STARD9: variants seen among roughly 807,000 people sequenced by gnomAD.
STARD9 encodes StAR related lipid transfer domain containing 9, also known as stAR-related lipid transfer protein 9.
STARD9 carries 346 observed loss-of-function variants against 399.8 expected under a neutral mutation model. That is an observed-to-expected ratio of 0.87 (90% CI 0.79 to 0.95). The LOEUF (loss-of-function observed/expected upper bound fraction) is 0.95, where lower values mean the gene tolerates loss of function less well. STARD9 is among the 40% of genes least tolerant of loss of function. The pLI is 0.00. For missense variants in STARD9, 5,832 were observed against 5,667.5 expected, an observed-to-expected ratio of 1.03 and a Z score of -0.93; for synonymous variants, 2,203 against 2,143.5, an observed-to-expected ratio of 1.03 and a Z score of -0.77.
At chr15:42,634,803 C>G in intron 3 of STARD9, 53 bp from the exon 4 acceptor site, 2 of 783,626 alleles carry the variant, frequency 2.6e-6, no homozygotes, top group Non-Finnish European at 3.9e-6. Flanking sequence ...AATTCTAAAT[C>G]TGCTATGAGA....
Position 42,692,593 on chromosome 15 carries a change from C to G in STARD9, c.11015C>G (p.Ala3672Gly). ...AGTGCAGTATCAGCCTTTGATCTGG[C>G]CTCATGGACCAGCATGCACAATCTG... is the stretch of plus-strand genomic sequence containing the variant. ...EASAVSAFDLASWTSMHNLSL... is the reference protein window; with the variant it reads ...EASAVSAFDLGSWTSMHNLSL... Residue 3672 changes from alanine (A) to glycine (G), a missense_variant, in exon 23 of 33, where the codon GCC (alanine) becomes GGC (glycine). By Grantham distance (60) the Ala-to-Gly change is moderately conservative. Around this residue, in one of 2 missense-constraint regions of STARD9, gnomAD observed 5,828 missense variants for 5,651.1 expected, o/e 1.03. Transcript: ENST00000290607. 6.5e-7 allele frequency: 1 copy of G among 1,537,210 alleles called. No individual in the cohort carries two copies. The highest frequency in any genetic ancestry group is 1.2e-5 in the South Asian group (1 of 84,060).
At chr15:42,682,711 C>G in intron 22 of STARD9, 136 bp downstream of exon 22, 2 of 741,060 alleles carry the variant, frequency 2.7e-6, no homozygotes, top group East Asian at 2.7e-5. Context: ...CTCTCTTCCT[C>G]ATGACTTTTT....
Position 42,691,515 on chromosome 15 carries a change from T to C in STARD9, c.9937T>C (p.Ser3313Pro), listed in dbSNP as rs1566946203. ...CTCACTTCCTGTGACTACAATCTTC[T>C]CTGGCCCCAAACACTCCAGGTCCTC... is the stretch of plus-strand genomic sequence containing the variant. ...RGSLPVTTIF[S>P]GPKHSRSSPT... The change falls in exon 23 of 33, where the codon TCT becomes CCT. Residue 3313 changes from serine (S) to proline (P), a missense_variant. This residue lies in a region of STARD9 where 5,828 missense variants were observed against 5,651.1 expected (regional missense o/e 1.03). Coordinates refer to ENST00000290607, the MANE Select transcript of STARD9 (RefSeq NM_020759.3). 4.6e-6 allele frequency: 7 copies of C among 1,537,234 alleles called. No individual in the cohort carries two copies. Among genetic ancestry groups the C allele is most frequent in the Non-Finnish European group, 3.5e-6 (4 of 1,146,916 alleles).
rs1002687004 is a variant in STARD9 at position 42,686,829 on chromosome 15, A to C, written c.5251A>C (p.Lys1751Gln). The change falls in exon 23 of 33, where the codon AAA (lysine) becomes CAA (glutamine). Residue 1751 changes from lysine to glutamine, a missense_variant. By Grantham distance (53) the Lys-to-Gln change is moderately conservative. Coordinates refer to ENST00000290607, the MANE Select transcript of STARD9 (RefSeq NM_020759.3). ...ACTCTTGGAAACATTCTATGTGACC[A>C]AAAGCAGGGATGCCCTGACAGAAAC... ...PPLLETFYVTKSRDALTETAL... is the reference protein window; with the variant it reads ...PPLLETFYVTQSRDALTETAL... The C allele has an allele frequency of 4.5e-5, 69 of 1,537,052 alleles. No individual in the cohort carries two copies. The highest frequency in any genetic ancestry group is 1.7e-4 in the Middle Eastern group (1 of 6,012).
intron 3 of STARD9, among the ~76,000 whole-genome samples, chr15:42,590,638 T>C (rs2058374667): frequency 6.6e-6 from 1 of 152,114 alleles, no homozygotes; most frequent in Non-Finnish European, 1.5e-5. Context: ...AGAAAAGAGG[T>C]TTATTTGGCT....
In STARD9 at chr15:42,691,306, A is replaced by G. The variant is rs2060691674; in HGVS notation, c.9728A>G (p.Gln3243Arg). 1 of 1,537,122 alleles carries G rather than the reference A, an allele frequency of 6.5e-7. No individual in the cohort carries two copies. Among genetic ancestry groups the G allele is most frequent in the East Asian group, 2.4e-5 (1 of 40,932 alleles). Residue 3243 changes from glutamine (Q) to arginine (R), a missense_variant, in exon 23 of 33, where the codon CAG becomes CGG. Physicochemically the swap from Gln to Arg is conservative, Grantham distance 43. Coordinates refer to ENST00000290607, the MANE Select transcript of STARD9 (RefSeq NM_020759.3). Reference protein sequence around the residue: ...LPDEDGLDGCQILDAGREEVA... With the variant: ...LPDEDGLDGCRILDAGREEVA... ...GATGAAGATGGCTTAGATGGCTGTCAGATTTTAGATGCTGGGAGAGAGGAG... is the reference window on the plus strand; with the variant it reads ...GATGAAGATGGCTTAGATGGCTGTCGGATTTTAGATGCTGGGAGAGAGGAG...
Position 42,682,574 on chromosome 15 carries a change from A to G in STARD9, c.2536A>G (p.Ser846Gly). The G allele has an allele frequency of 2.6e-6, 4 of 1,530,342 alleles. No homozygotes were observed. Among genetic ancestry groups the G allele is most frequent in the Non-Finnish European group, 3.5e-6 (4 of 1,142,456 alleles). 94.8% of individuals were successfully genotyped at this position (1,530,342 alleles called of 1,614,324 possible). The change falls in exon 22 of 33, where the codon AGC (serine) becomes GGC (glycine). Residue 846 changes from serine (S) to glycine (G), a missense_variant and splice_region_variant. Ser to Gly is a moderately conservative substitution (Grantham distance 56). This residue lies in a region of STARD9 where 5,828 missense variants were observed against 5,651.1 expected (regional missense o/e 1.03). Transcript: ENST00000290607. ...LCSKHMPQLH[S>G]IFLSWDPSTT... Reference sequence around the variant, plus strand: ...CAGCAAGCACATGCCCCAGCTACACAGGTACAGCCAGTAGTTGTCACTGGG... The same window carrying G: ...CAGCAAGCACATGCCCCAGCTACACGGGTACAGCCAGTAGTTGTCACTGGG...
rs931695810 is a variant in STARD9 at position 42,719,506 on chromosome 15, C to G, written c.14035C>G (p.Leu4679Val). Residue 4679 changes from leucine to valine, a missense_variant, in exon 33 of 33, where the codon CTC becomes GTC. Coordinates refer to ENST00000290607, the MANE Select transcript of STARD9 (RefSeq NM_020759.3). ...ELGAPGFPPQ[L>V]LSSFIKRQPL... is the part of the protein sequence containing the mutation. ...TGGTGCTCCAGGCTTCCCACCTCAG[C>G]TCCTGAGCTCTTTCATCAAACGGCA... is the stretch of plus-strand genomic sequence containing the variant. The G allele has an allele frequency of 6.5e-7, 1 of 1,537,076 alleles. No individual in the cohort carries two copies. Among genetic ancestry groups the G allele is most frequent in the Non-Finnish European group, 8.7e-7 (1 of 1,146,860 alleles).
Position 42,695,201 on chromosome 15 carries a change from G to A in STARD9, c.13024G>A (p.Asp4342Asn), listed in dbSNP as rs1208154185. 22 of 1,537,092 alleles carry A rather than the reference G, an allele frequency of 1.4e-5. No homozygotes were observed. Among genetic ancestry groups the A allele is most frequent in the Non-Finnish European group, 1.7e-5 (20 of 1,146,896 alleles). ...CTCTGACATAGAGTTGATGCTGCAAGACTACCAGCAGGCCCATGAGGAGGC... is the reference window on the plus strand; with the variant it reads ...CTCTGACATAGAGTTGATGCTGCAAAACTACCAGCAGGCCCATGAGGAGGC... ...TPSDIELMLQ[D>N]YQQAHEEAKV... The change falls in exon 25 of 33, where the codon GAC becomes AAC. Residue 4342 changes from aspartate (D) to asparagine (N), a missense_variant. Asp to Asn is a conservative substitution (Grantham distance 23). Transcript: ENST00000290607.
chr15:42,669,830 C>G (rs2060171266), intron 16 of STARD9: 1 of 152,434 alleles, frequency 6.6e-6, no homozygotes, highest in South Asian at 2.1e-4. Context: ...GCGGGCAGAT[C>G]ACTTGAGGTC....
chr15:42,671,126 A>ATTTTTTTTTTT (rs34261486), intron 16 of STARD9: 3 of 96,046 alleles, frequency 3.1e-5, no homozygotes, highest in Admixed American at 1.1e-4. Flanking sequence ...AGGATTGCTG[A>ATTTTTTTTTTT]TTTTTTTTTT....
In STARD9 at chr15:42,690,555, A is replaced by G; in HGVS notation, c.8977A>G (p.Thr2993Ala). ...GGAGCCTTTCAAGGCTGCCCCACAT[A>G]CTATCCACCCACCCTGTGTAGTACC... ...GKEPFKAAPHTIHPPCVVPSR... is the reference protein window; with the variant it reads ...GKEPFKAAPHAIHPPCVVPSR... Residue 2993 changes from threonine (T) to alanine (A), a missense_variant, in exon 23 of 33, where the codon ACT becomes GCT. Around this residue, in one of 2 missense-constraint regions of STARD9, gnomAD observed 5,828 missense variants for 5,651.1 expected, o/e 1.03. Transcript: ENST00000290607. 1 of 1,537,082 alleles carries G rather than the reference A, an allele frequency of 6.5e-7. No individual in the cohort carries two copies. The highest frequency in any genetic ancestry group is 8.7e-7 in the Non-Finnish European group (1 of 1,146,874).
chr15:42,615,680 TAGG>T (rs539822357), intron 3 of STARD9, among the ~76,000 whole-genome samples: 3 of 147,568 alleles, frequency 2.0e-5, no homozygotes, highest in Non-Finnish European at 4.5e-5. Context: ...AGAATTAACA[TAGG>T]AGGAAAGAGA....
rs1196453323 is a variant in STARD9 at position 42,684,560 on chromosome 15, G to C, written c.2982G>C (p.Gly994=). 5.2e-6 allele frequency: 8 copies of C among 1,537,104 alleles called. No individual in the cohort carries two copies. In the African/African-American group the frequency reaches 1.1e-4, roughly 21 times the overall value. ...SHTQAGWRKE[G]NLGTHKAAKG... is the part of the protein sequence containing the mutation. ...CACAAGCTGGGTGGCGAAAAGAAGG[G>C]AACCTTGGGACCCACAAGGCTGCTA... The change falls in exon 23 of 33, where the codon GGG becomes GGC. Residue 994 remains glycine, a synonymous_variant. Coordinates refer to ENST00000290607, the MANE Select transcript of STARD9 (RefSeq NM_020759.3).
In STARD9 at chr15:42,660,963, T is replaced by G. The variant is rs79331266; in HGVS notation, c.703-195T>G. ...TGTTTTTTGTTTTGTTTTTTTTTTT[T>G]GAAGTGATGATCCAGGGCCCTATTG... On this transcript the variant is annotated intron_variant, in intron 9 of 32. Transcript: ENST00000290607. Among the ~76,000 whole-genome samples the G allele has an allele frequency of 5.8e-3, 869 of 149,606 alleles. 8 individuals are homozygous for G. Among genetic ancestry groups the G allele is most frequent in the African/African-American group, 0.02 (819 of 40,316 alleles).
At chr15:42,637,795 C>T in intron 4 of STARD9, 112 bp from the exon 5 acceptor site, 1 of 1,111,940 alleles carries the variant, frequency 9.0e-7, no homozygotes, top group Non-Finnish European at 1.3e-6. Flanking sequence ...AAGAGGCTAG[C>T]ACAAGGAGTC....
chr15:42,694,808 C>A, intron 24 of STARD9, 83 bp downstream of exon 24: 1 of 1,176,228 alleles, frequency 8.5e-7, no homozygotes, highest in Non-Finnish European at 1.2e-6. Flanking sequence ...GTTTTAGCAT[C>A]CTGGAGGGTT....
chr15:42,610,342 A>G (rs1193857976), intron 3 of STARD9, among the ~76,000 whole-genome samples: 2 of 152,114 alleles, frequency 1.3e-5, no homozygotes, highest in Admixed American at 6.6e-5. Flanking sequence ...TTGCTGGGAT[A>G]TGACCCTCTA....
At chr15:42,606,862 C>G (rs1041628154) in intron 3 of STARD9, among the ~76,000 whole-genome samples, 8 of 152,092 alleles carry the variant, frequency 5.3e-5, no homozygotes, top group African/African-American at 1.9e-4. Context: ...CAGCTACTCT[C>G]TAAGGCACAA....
Sources: allele counts gnomAD v4.1 joint callset (sites outside exome capture counted in the v4.1 genomes callset), GRCh38; gene constraint gnomAD v4.1.1; regional missense constraint gnomAD v4.1.1; transcripts MANE v1.5; gene names NCBI Gene and HGNC (gene_info 2026-07-23, HGNC 2026-07-21).